PTPRD: variants seen among roughly 807,000 people sequenced by gnomAD.
PTPRD encodes the protein protein tyrosine phosphatase receptor type D.
A neutral mutation model predicts 214.5 loss-of-function variants in PTPRD; 34 were observed. That is an observed-to-expected ratio of 0.16 (90% CI 0.12 to 0.21). The LOEUF is 0.21. Among genes scored for constraint, PTPRD ranks in the 10% least tolerant of loss-of-function variants. PTPRD has a pLI of 1.00. For missense variants in PTPRD, 2,545 were observed against 2,398.7 expected (o/e 1.06, Z -1.27); for synonymous variants, 1,128 against 845.7 (o/e 1.33, Z -5.79).
rs374611217 is a variant in PTPRD at position 9,963,982 on chromosome 9, A to C, written c.-471-25372T>G. ...GAGCATTTCTTTCATGCATTAATAT[A>C]TATGAATGGCACATCAGAGATTTAA... On this transcript the variant is annotated intron_variant, in intron 4 of 45. Transcript: ENST00000381196. 2.0e-4 allele frequency among the ~76,000 whole-genome samples: 31 copies of C among 152,262 alleles called. No individual in the cohort carries two copies. In the East Asian group the frequency reaches 3.9e-3, roughly 19 times the overall value.
At position 9,938,558 on chromosome 9, in the gene PTPRD, C is replaced by G. The variant is rs1209894803; in HGVS notation, c.-419G>C. On this transcript the variant is annotated 5_prime_UTR_variant, in exon 5 of 46. Transcript: ENST00000381196. Reference sequence around the variant, plus strand: ...CGGTGCCAACATGCTGTCAGTCAGACACCTCTAACTGGAATATCACGGGCC... The same window carrying G: ...CGGTGCCAACATGCTGTCAGTCAGAGACCTCTAACTGGAATATCACGGGCC... 6.6e-6 allele frequency: 1 copy of G among 152,076 alleles called. No individual in the cohort carries two copies. The highest frequency in any genetic ancestry group is 1.5e-5 in the Non-Finnish European group (1 of 68,012). The allele number at this position is 152,076 out of a possible 1,614,324, so 9.4% of individuals were successfully genotyped here. A position where few individuals can be genotyped will look rare whatever the true frequency, so the allele number is the denominator to read the frequency against.
At chr9:8,415,766 C>T (rs1483193825) in intron 35 of PTPRD, among the ~76,000 whole-genome samples, 1 of 152,010 alleles carries the variant, frequency 6.6e-6, no homozygotes, top group Admixed American at 6.6e-5. Flanking sequence ...GGACGATGAC[C>T]ATGAAAATCT....
At chr9:9,415,648 A>AT (rs572733062) in intron 8 of PTPRD, among the ~76,000 whole-genome samples, 12 of 152,220 alleles carry the variant, frequency 7.9e-5, no homozygotes, top group Non-Finnish European at 1.6e-4. Context: ...ACAAAAAGCC[A>AT]TAAGATTACC....
chr9:8,693,684 G>C (rs1048546585), intron 12 of PTPRD, among the ~76,000 whole-genome samples: 1 of 152,192 alleles, frequency 6.6e-6, no homozygotes, highest in Admixed American at 6.5e-5. Flanking sequence ...ATCAAGGTAA[G>C]TGAGCTGTTT....
intron 3 of PTPRD, among the ~76,000 whole-genome samples, chr9:10,290,234 A>G (rs1323497): frequency 0.058 from 8,809 of 152,136 alleles, 340 homozygotes; most frequent in South Asian, 0.15. Context: ...ATAGTAGTCA[A>G]TGTATTTCTT....
intron 11 of PTPRD, among the ~76,000 whole-genome samples, chr9:8,996,448 T>C (rs2099397018): frequency 6.6e-6 from 1 of 152,014 alleles, no homozygotes. Context: ...AACAGAGCAG[T>C]TGTTGCCTAA....
Position 9,957,361 on chromosome 9 carries a change from A to C in PTPRD, c.-471-18751T>G, listed in dbSNP as rs934903359. Among the ~76,000 whole-genome samples the C allele has an allele frequency of 3.9e-5, 6 of 152,310 alleles. No homozygotes were observed. In the East Asian group the frequency reaches 5.8e-4, roughly 15 times the overall value. On this transcript the variant is annotated intron_variant, in intron 4 of 45. Coordinates refer to ENST00000381196, the MANE Select transcript of PTPRD (RefSeq NM_002839.4). ...ATATTGATACAAAGCTTAACAAGAA[A>C]GGACTTGTACACATGCAGACAATAA...
At chr9:9,708,737 T>C (rs2154421266) in intron 7 of PTPRD, among the ~76,000 whole-genome samples, 1 of 152,168 alleles carries the variant, frequency 6.6e-6, no homozygotes, top group African/African-American at 2.4e-5. Flanking sequence ...TGATGAAAAT[T>C]CACTTAAAAT....
chr9:10,228,330 G>A (rs1453022210), intron 3 of PTPRD, among the ~76,000 whole-genome samples: 1 of 151,896 alleles, frequency 6.6e-6, no homozygotes, highest in Non-Finnish European at 1.5e-5. Context: ...ACTAGAAAAG[G>A]CACTTTTAAG....
rs1210260206 is a variant in PTPRD, at chr9:10,278,771, TG to T, written c.-545+62191del. 6.2e-5 allele frequency among the ~76,000 whole-genome samples: 9 copies of T among 145,916 alleles called. No individual in the cohort carries two copies. The East Asian group carries it at 1.8e-3, about 28-fold the overall frequency. ...CATGTGTGGTAAAAGGTTTTTTTTT[TG>T]TTTTGTTTTGTTTTGTTTTTCAGAT... On this transcript the variant is annotated intron_variant, in intron 3 of 45. Coordinates refer to ENST00000381196, the MANE Select transcript of PTPRD (RefSeq NM_002839.4).
intron 3 of PTPRD, among the ~76,000 whole-genome samples, chr9:10,210,666 T>C (rs1405564045): frequency 6.7e-6 from 1 of 149,764 alleles, no homozygotes; most frequent in African/African-American, 2.4e-5. Flanking sequence ...CATATGTTTA[T>C]ATATGTATAT....
intron 8 of PTPRD, among the ~76,000 whole-genome samples, chr9:9,526,999 CCTT>C (rs1217543670): frequency 8.6e-5 from 13 of 152,026 alleles, no homozygotes; most frequent in African/African-American, 1.2e-4. Context: ...TTTAACATCT[CCTT>C]ATTATTTTTA....
intron 2 of PTPRD, among the ~76,000 whole-genome samples, chr9:10,478,544 C>A (rs1451541384): frequency 1.3e-5 from 2 of 152,046 alleles, no homozygotes; most frequent in Admixed American, 1.3e-4. Flanking sequence ...GACAGTTAAG[C>A]AACATATAAT....
At chr9:8,654,813 G>C (rs2096878193) in intron 12 of PTPRD, among the ~76,000 whole-genome samples, 1 of 152,146 alleles carries the variant, frequency 6.6e-6, no homozygotes, top group Non-Finnish European at 1.5e-5. Flanking sequence ...TTGGATTTTA[G>C]TCATTAGGAA....
In PTPRD at chr9:8,730,797, C is replaced by T. The variant is rs140575260; in HGVS notation, c.64+2983G>A. 2.6e-3 allele frequency among the ~76,000 whole-genome samples: 398 copies of T among 152,228 alleles called. 2 individuals are homozygous for T. The highest frequency in any genetic ancestry group is 4.7e-3 in the Non-Finnish European group (321 of 68,010). On this transcript the variant is annotated intron_variant, in intron 12 of 45. Transcript: ENST00000381196. ...ATGGTTCTCGGAGCACTACCTAAAC[C>T]ACAAAACTGGTTGGCCAGCCCTGAA... is the stretch of plus-strand genomic sequence containing the variant.
chr9:9,121,588 G>A (rs2099817665), intron 10 of PTPRD, among the ~76,000 whole-genome samples: 1 of 152,130 alleles, frequency 6.6e-6, no homozygotes, highest in African/African-American at 2.4e-5. Flanking sequence ...ACCAAACATT[G>A]TATGTTCTCA....
chr9:9,965,975 G>C (rs2094665429), intron 4 of PTPRD, among the ~76,000 whole-genome samples: 1 of 152,136 alleles, frequency 6.6e-6, no homozygotes, highest in African/African-American at 2.4e-5. Context: ...TTGCTTTTGA[G>C]TATATTGCTA....
At chr9:8,502,312 G>A (rs955357827) in intron 23 of PTPRD, among the ~76,000 whole-genome samples, 1 of 152,120 alleles carries the variant, frequency 6.6e-6, no homozygotes, top group East Asian at 1.9e-4. Flanking sequence ...GTATATGGTA[G>A]ACTGAATAAA....
At chr9:10,585,643 G>A (rs528374153) in intron 2 of PTPRD, among the ~76,000 whole-genome samples, 1 of 151,980 alleles carries the variant, frequency 6.6e-6, no homozygotes, top group Non-Finnish European at 1.5e-5. Context: ...TAGTGAAGGG[G>A]GAAATTTAAA....
Sources: gnomAD v4.1 joint callset for allele counts (sites outside exome capture counted in the v4.1 genomes callset) on GRCh38, gnomAD v4.1.1 for gene constraint, MANE v1.5 for transcripts, NCBI Gene and HGNC (gene_info 2026-07-23, HGNC 2026-07-21) for gene names.